The following KANSL1 variants were observed in gnomAD, a reference collection of about 807,000 sequenced individuals.
The protein encoded by KANSL1 is MLL1/MLL complex subunit KANSL1.
KANSL1 carries 22 observed loss-of-function variants against 103.6 expected under a neutral mutation model. The observed-to-expected ratio is 0.21, with a 90% confidence interval of 0.15 to 0.30. The LOEUF is 0.30. KANSL1 is among the 10% of genes least tolerant of loss of function. The pLI, the probability that KANSL1 is intolerant of heterozygous loss-of-function variation, is 1.00. For synonymous variants in KANSL1, 600 were observed against 527.6 expected, an observed-to-expected ratio of 1.14 and a Z score of -1.88; for missense variants, 1,337 against 1,399.8, an observed-to-expected ratio of 0.96 and a Z score of 0.72.
At chr17:46,050,321 G>A in intron 7 of KANSL1, 2 of 582,094 alleles carry the variant, frequency 3.4e-6, no homozygotes, top group South Asian at 2.3e-5. Flanking sequence ...GAGTTAGAAG[G>A]AAATCTCATA....
intron 4 of KANSL1, among the ~76,000 whole-genome samples, chr17:46,073,747 A>AT (rs1276831054): frequency 2.0e-5 from 3 of 152,218 alleles, no homozygotes; most frequent in African/African-American, 4.8e-5. Context: ...GTGGAAGGAA[A>AT]TAACTAACCT....
chr17:46,197,359 T>C (rs2047646014), upstream of KANSL1, among the ~76,000 whole-genome samples: 1 of 152,210 alleles, frequency 6.6e-6, no homozygotes, highest in Non-Finnish European at 1.5e-5. Context: ...GACAATAATG[T>C]AGGCTGGGCG....
chr17:46,149,004 C>CTT lies in KANSL1; in HGVS notation c.1289+21849_1289+21850dup, dbSNP rs77731269. Reference sequence around the variant, plus strand: ...CTCACCCATTCTTGCCTCTTTTTTTCTTTTTTTTTTTTTTTTGAGACGGAG... The same window carrying CTT: ...CTCACCCATTCTTGCCTCTTTTTTTCTTTTTTTTTTTTTTTTTTGAGACGGAG... On this transcript the variant is annotated intron_variant, in intron 2 of 14. Coordinates refer to ENST00000432791, the MANE Select transcript of KANSL1 (RefSeq NM_015443.4). Among the ~76,000 whole-genome samples, 870 of 121,230 alleles carry CTT rather than the reference C, an allele frequency of 7.2e-3. 15 individuals are homozygous for CTT. Among genetic ancestry groups the CTT allele is most frequent in the African/African-American group, 0.025 (722 of 29,300 alleles). 79.5% of individuals were successfully genotyped at this position (121,230 alleles called of 152,430 possible).
upstream of KANSL1, among the ~76,000 whole-genome samples, chr17:46,225,147 A>G (rs1370454447): frequency 2.6e-5 from 4 of 151,478 alleles, no homozygotes; most frequent in Non-Finnish European, 5.9e-5. Flanking sequence ...CCTCTCCCCC[A>G]GCCCCGCCGC....
intron 2 of KANSL1, among the ~76,000 whole-genome samples, chr17:46,110,791 T>G (rs2042769514): frequency 6.6e-6 from 1 of 151,194 alleles, no homozygotes; most frequent in African/African-American, 2.4e-5. Context: ...AGGAGAGAAA[T>G]AAGGTTGGGG....
At chr17:46,159,979 CTTCAGG>C (rs1451696686) in intron 2 of KANSL1, among the ~76,000 whole-genome samples, 20 of 152,298 alleles carry the variant, frequency 1.3e-4, no homozygotes, top group Middle Eastern at 3.4e-3. Flanking sequence ...AGCTATGTGC[CTTCAGG>C]TTGCTCCATT....
chr17:46,219,125 A>G (rs1478847733), intron 1 of KANSL1, among the ~76,000 whole-genome samples: 3 of 151,902 alleles, frequency 2.0e-5, no homozygotes, highest in Non-Finnish European at 2.9e-5. Context: ...TTAGCTGGCC[A>G]TGGTGACAGG....
intron 7 of KANSL1, chr17:46,045,313 T>C (rs954574446): frequency 6.6e-6 from 1 of 152,156 alleles, no homozygotes; most frequent in African/African-American, 2.4e-5. Context: ...GTGGCAGTTG[T>C]TTGGGTCAAA....
At chr17:46,051,583 T>C (rs1288677064) in intron 6 of KANSL1, among the ~76,000 whole-genome samples, 2 of 152,230 alleles carry the variant, frequency 1.3e-5, no homozygotes. Context: ...CCCTACATTC[T>C]AGTGTTAGGA....
At position 46,067,701 on chromosome 17, in the gene KANSL1, G is replaced by A. The variant is rs1356258694; in HGVS notation, c.1534-34C>T. 6 of 1,126,856 alleles carry A rather than the reference G, an allele frequency of 5.3e-6. No individual in the cohort carries two copies. In the African/African-American group the frequency reaches 7.7e-5, roughly 14 times the overall value. The allele number at this position is 1,126,856 out of a possible 1,614,324, so 69.8% of individuals were successfully genotyped here. A position where few individuals can be genotyped will look rare whatever the true frequency, so the allele number is the denominator to read the frequency against. On this transcript the variant is annotated intron_variant, in intron 4 of 14. Coordinates refer to ENST00000432791, the MANE Select transcript of KANSL1 (RefSeq NM_015443.4). Reference sequence around the variant, plus strand: ...GAAAAAGGAAAAAAGAAATTAACATGTACCCAAGCGCACCCCTGCCTGAAA... The same window carrying A: ...GAAAAAGGAAAAAAGAAATTAACATATACCCAAGCGCACCCCTGCCTGAAA...
At chr17:46,106,149 G>T (rs147145905) in intron 2 of KANSL1, among the ~76,000 whole-genome samples, 5 of 152,332 alleles carry the variant, frequency 3.3e-5, no homozygotes, top group African/African-American at 9.6e-5. Flanking sequence ...TTGGAAAAGA[G>T]TATGGTGTCT....
At chr17:46,191,459 G>A (rs1403654941) in intron 1 of KANSL1, among the ~76,000 whole-genome samples, 2 of 152,222 alleles carry the variant, frequency 1.3e-5, no homozygotes, top group African/African-American at 4.8e-5. Context: ...GTAAATAGTG[G>A]TCCTTTAACT....
At chr17:46,042,573 G>A (rs1056860089) in intron 7 of KANSL1, 1 of 152,154 alleles carries the variant, frequency 6.6e-6, no homozygotes, top group African/African-American at 2.4e-5. Context: ...CTGATCCAGA[G>A]GATGGAGAGG....
chr17:46,084,718 A>G (rs1278920817), intron 3 of KANSL1, among the ~76,000 whole-genome samples: 1 of 149,900 alleles, frequency 6.7e-6, no homozygotes, highest in Non-Finnish European at 1.5e-5. Context: ...AAAAAAAAAA[A>G]AAAAAAGAAT....
chr17:46,057,637 T>C (rs1598499861), intron 6 of KANSL1, among the ~76,000 whole-genome samples: 1 of 152,138 alleles, frequency 6.6e-6, no homozygotes, highest in East Asian at 1.9e-4. Flanking sequence ...ACTGGACTTA[T>C]TCACGTTTCT....
At chr17:46,123,771 C>T (rs545452452) in intron 2 of KANSL1, among the ~76,000 whole-genome samples, 1 of 152,348 alleles carries the variant, frequency 6.6e-6, no homozygotes, top group African/African-American at 2.4e-5. Context: ...AATAAGCCAT[C>T]TCCAATAACC....
At chr17:46,133,104 G>A (rs1391920403) in intron 2 of KANSL1, among the ~76,000 whole-genome samples, 3 of 152,176 alleles carry the variant, frequency 2.0e-5, no homozygotes, top group Non-Finnish European at 4.4e-5. Flanking sequence ...GCCCAGCTGG[G>A]CCCCAATTAA....
chr17:46,204,310 C>CA (rs1422558009), intron 1 of KANSL1, among the ~76,000 whole-genome samples: 2 of 150,784 alleles, frequency 1.3e-5, no homozygotes, highest in African/African-American at 2.4e-5. Flanking sequence ...CTACTAAAAA[C>CA]AAAAATTAGC....
intron 1 of KANSL1, among the ~76,000 whole-genome samples, chr17:46,179,554 C>A (rs2046683648): frequency 6.6e-6 from 1 of 152,206 alleles, no homozygotes; most frequent in Admixed American, 6.5e-5. Flanking sequence ...ACCATTACCT[C>A]ATTTCTCTAC....
Sources: allele counts gnomAD v4.1 joint callset (sites outside exome capture counted in the v4.1 genomes callset), GRCh38; gene constraint gnomAD v4.1.1; transcripts MANE v1.5; gene names NCBI Gene and HGNC (gene_info 2026-07-23, HGNC 2026-07-21).